CENPU: variants seen among roughly 807,000 people sequenced by gnomAD.
CENPU encodes centromere protein U, also known as KSHV latent nuclear antigen interacting protein 1.
A neutral mutation model predicts 56.7 loss-of-function variants in CENPU; 46 were observed. The observed-to-expected ratio is 0.81, with a 90% confidence interval of 0.64 to 1.04. The LOEUF (loss-of-function observed/expected upper bound fraction) is 1.04, where lower values mean the gene tolerates loss of function less well. Among genes scored for constraint, CENPU ranks in the 50% least tolerant of loss-of-function variants. The pLI, the probability that CENPU is intolerant of heterozygous loss-of-function variation, is 0.00. For missense variants in CENPU, 510 were observed against 490.1 expected, an observed-to-expected ratio of 1.04 and a Z score of -0.38; for synonymous variants, 166 against 163.0, an observed-to-expected ratio of 1.02 and a Z score of -0.14.
At chr4:184,699,664 C>G in intron 11 of CENPU, 1 of 1,228,850 alleles carries the variant, frequency 8.1e-7, no homozygotes, top group African/African-American at 1.7e-5. Flanking sequence ...CTGTGGCAGT[C>G]TCTCTTTTTT....
intron 4 of CENPU, among the ~76,000 whole-genome samples, chr4:184,717,951 T>A (rs999158360): frequency 6.6e-6 from 1 of 152,202 alleles, no homozygotes; most frequent in South Asian, 2.1e-4. Context: ...CCCAGCATGT[T>A]CAAGAAACAT....
chr4:184,719,414 G>A (rs1761199214), intron 4 of CENPU, among the ~76,000 whole-genome samples: 1 of 152,220 alleles, frequency 6.6e-6, no homozygotes, highest in Non-Finnish European at 1.5e-5. Flanking sequence ...AGCAGAACCA[G>A]GCTGAACTAA....
chr4:184,705,089 T>C (rs774507749), intron 8 of CENPU, among the ~76,000 whole-genome samples: 37 of 152,200 alleles, frequency 2.4e-4, no homozygotes, highest in Non-Finnish European at 3.4e-4. Context: ...CCCAGAGAAA[T>C]GGAAGCTCAG....
At position 184,694,551 on chromosome 4, in the gene CENPU, T is replaced by A. The variant is rs746562224; in HGVS notation, c.*737A>T. ...AAGAGTTTACAACAGATGAAGCAGA[T>A]GAAACTAGGAGCAATGAAACCCAGA... On this transcript the variant is annotated 3_prime_UTR_variant, in exon 13 of 13. Transcript: ENST00000281453. 1 of 1,612,660 alleles carries A rather than the reference T, an allele frequency of 6.2e-7. No individual in the cohort carries two copies. The highest frequency in any genetic ancestry group is 8.5e-7 in the Non-Finnish European group (1 of 1,179,846).
rs550830691 is a variant in CENPU at position 184,717,931 on chromosome 4, T to C, written c.321-735A>G. 2.6e-5 allele frequency among the ~76,000 whole-genome samples: 4 copies of C among 152,298 alleles called. No individual in the cohort carries two copies. The East Asian group carries it at 7.7e-4, about 29-fold the overall frequency. On this transcript the variant is annotated intron_variant, in intron 4 of 12. Coordinates refer to ENST00000281453, the MANE Select transcript of CENPU (RefSeq NM_024629.4). ...AAAAGTTAATGTAAAAGCCTGGTGGTGTAAAACAGCCCAGCATGTTCAAGA... is the reference window on the plus strand; with the variant it reads ...AAAAGTTAATGTAAAAGCCTGGTGGCGTAAAACAGCCCAGCATGTTCAAGA...
At chr4:184,719,585 T>C (rs1362701201) in intron 4 of CENPU, among the ~76,000 whole-genome samples, 1 of 152,130 alleles carries the variant, frequency 6.6e-6, no homozygotes. Flanking sequence ...GCCACAAGGA[T>C]GGCAACTCCT....
At chr4:184,702,278 T>C in intron 9 of CENPU, 85 bp downstream of exon 9, 1 of 1,392,084 alleles carries the variant, frequency 7.2e-7, no homozygotes, top group Non-Finnish European at 1.0e-6. Context: ...TGCCAGCAAA[T>C]GCAAGCTTTT....
chr4:184,694,516 A>C lies in CENPU; in HGVS notation c.*772T>G. ...CACTCTCTATCCCTTCACCACTGAA[A>C]TAAAGGAAGAAGAGTTTACAACAGA... On this transcript the variant is annotated 3_prime_UTR_variant, in exon 13 of 13. Coordinates refer to ENST00000281453, the MANE Select transcript of CENPU (RefSeq NM_024629.4). 6.2e-7 allele frequency: 1 copy of C among 1,608,804 alleles called. No individual in the cohort carries two copies. Among genetic ancestry groups the C allele is most frequent in the Non-Finnish European group, 8.5e-7 (1 of 1,176,126 alleles).
intron 3 of CENPU, 50 bp from the exon 4 acceptor site, chr4:184,725,112 G>A: frequency 1.7e-6 from 2 of 1,192,600 alleles, no homozygotes; most frequent in East Asian, 2.3e-5. Flanking sequence ...GGCTATTTGG[G>A]CAGTACTGTA....
intron 4 of CENPU, among the ~76,000 whole-genome samples, chr4:184,723,748 CAGG>C (rs1271348496): frequency 2.1e-5 from 3 of 144,784 alleles, no homozygotes; most frequent in Non-Finnish European, 3.0e-5. Flanking sequence ...GAGGGTGAGG[CAGG>C]AGAATTGCTT....
In CENPU at chr4:184,694,181, A is replaced by G. The variant is rs888471419; in HGVS notation, c.*1107T>C. ...TGGGTACTAAGTCCATTGTCAAGAT[A>G]GCAAATTTATCTTCTGATTTGTCTT... is the stretch of plus-strand genomic sequence containing the variant. On this transcript the variant is annotated 3_prime_UTR_variant, in exon 13 of 13. Coordinates refer to ENST00000281453, the MANE Select transcript of CENPU (RefSeq NM_024629.4). 18 of 1,029,516 alleles carry G rather than the reference A, an allele frequency of 1.7e-5. No homozygotes were observed. Among genetic ancestry groups the G allele is most frequent in the Admixed American group, 5.0e-5 (1 of 19,954 alleles). The allele number at this position is 1,029,516 out of a possible 1,614,324, so 63.8% of individuals were successfully genotyped here. A position where few individuals can be genotyped will look rare whatever the true frequency, so the allele number is the denominator to read the frequency against.
intron 4 of CENPU, among the ~76,000 whole-genome samples, chr4:184,722,277 A>C (rs1761307231): frequency 6.6e-6 from 1 of 152,196 alleles, no homozygotes; most frequent in Admixed American, 6.5e-5. Flanking sequence ...AAGCGCCTAC[A>C]TCAAAAAAAG....
intron 10 of CENPU, 69 bp downstream of exon 10, chr4:184,702,020 C>A: frequency 1.0e-6 from 1 of 1,002,098 alleles, no homozygotes; most frequent in South Asian, 1.4e-5. Flanking sequence ...AACCCAGAGT[C>A]AAGTCTTCGC....
intron 4 of CENPU, 81 bp downstream of exon 4, chr4:184,724,876 G>T (rs1761401665): frequency 1.1e-6 from 1 of 906,086 alleles, no homozygotes; most frequent in South Asian, 1.8e-5. Context: ...AAATGCTTTT[G>T]TTTTATTAGC....
chr4:184,734,081 C>G lies in CENPU; in HGVS notation c.-19G>C, dbSNP rs559484150. 476 of 1,545,442 alleles carry G rather than the reference C, an allele frequency of 3.1e-4. No individual in the cohort carries two copies. The highest frequency in any genetic ancestry group is 3.7e-4 in the Non-Finnish European group (423 of 1,147,094). Reference sequence around the variant, plus strand: ...GGGCCATGGTGCCGCTCTCCGCTCTCGAGCGACTGGAAGCTCCCGCCAAGC... The same window carrying G: ...GGGCCATGGTGCCGCTCTCCGCTCTGGAGCGACTGGAAGCTCCCGCCAAGC... On this transcript the variant is annotated 5_prime_UTR_variant, in exon 1 of 13. Transcript: ENST00000281453.
At chr4:184,727,133 A>T (rs1435430067) in intron 3 of CENPU, among the ~76,000 whole-genome samples, 1 of 151,860 alleles carries the variant, frequency 6.6e-6, no homozygotes, top group Admixed American at 6.6e-5. Flanking sequence ...AAAAAAAAAA[A>T]ATTTCTGACT....
At chr4:184,715,336 T>C (rs1429811346) in intron 6 of CENPU, among the ~76,000 whole-genome samples, 1 of 152,166 alleles carries the variant, frequency 6.6e-6, no homozygotes, top group African/African-American at 2.4e-5. Flanking sequence ...CTTTGTTTTT[T>C]GAGACAGAGT....
In CENPU at chr4:184,734,015, C is replaced by T. The variant is rs969659417; in HGVS notation, c.47+1G>A. The T allele has an allele frequency of 2.5e-6, 4 of 1,606,798 alleles. No homozygotes were observed. The highest frequency in any genetic ancestry group is 2.2e-5 in the South Asian group (2 of 90,262). Reference sequence around the variant, plus strand: ...CGCTCCCGAGGGTCGGCAGTACTTACCCCTCAGACCTGTGAGGCCGCGGCC... The same window carrying T: ...CGCTCCCGAGGGTCGGCAGTACTTATCCCTCAGACCTGTGAGGCCGCGGCC... On this transcript the variant is annotated splice_donor_variant, in intron 1 of 12. Coordinates refer to ENST00000281453, the MANE Select transcript of CENPU (RefSeq NM_024629.4). LOFTEE classifies it high-confidence loss of function.
Position 184,729,048 on chromosome 4 carries a change from A to G in CENPU, c.97-13T>C, listed in dbSNP as rs1452066447. On this transcript the variant is annotated splice_polypyrimidine_tract_variant and intron_variant, in intron 2 of 12. Transcript: ENST00000281453. ...TTTGACCAGCTTTCTAAAAGTGAAT[A>G]AAGTTGAGTCATTGAGTTGGCTCTC... is the stretch of plus-strand genomic sequence containing the variant. The G allele has an allele frequency of 2.5e-6, 4 of 1,592,834 alleles. No individual in the cohort carries two copies. In the African/African-American group the frequency reaches 4.0e-5, roughly 16 times the overall value.
Sources: allele counts gnomAD v4.1 joint callset (sites outside exome capture counted in the v4.1 genomes callset), GRCh38; gene constraint gnomAD v4.1.1; transcripts MANE v1.5; gene names NCBI Gene and HGNC (gene_info 2026-07-23, HGNC 2026-07-21).